Variants in NAA25 observed in about 807,000 individuals in gnomAD.
NAA25 encodes the protein N-alpha-acetyltransferase 25, NatB auxiliary subunit.
Under a neutral mutation model 132.5 loss-of-function variants are expected in NAA25, and 30 were observed. The ratio of observed to expected loss-of-function variants is 0.23; its 90% CI spans 0.17 to 0.31. The LOEUF (loss-of-function observed/expected upper bound fraction) is 0.31. Ranked by LOEUF, NAA25 falls within the 10% of genes least tolerant of loss-of-function variation. The pLI, the probability that NAA25 is intolerant of heterozygous loss-of-function variation, is 1.00. For missense variants in NAA25, 771 were observed against 1,150.4 expected (o/e 0.67, Z 4.77); for synonymous variants, 359 against 401.9 (o/e 0.89, Z 1.28).
intron 4 of NAA25, 76 bp downstream of exon 4, chr12:112,087,607 C>T (rs1325470138): frequency 3.2e-6 from 3 of 934,378 alleles, no homozygotes; most frequent in Non-Finnish European, 5.2e-6. Context: ...ATACCCAGTG[C>T]AGTTAAATCA....
rs564348894 is a variant in NAA25 at position 112,042,513 on chromosome 12, T to A, written c.2375-409A>T. On this transcript the variant is annotated intron_variant, in intron 19 of 23. Transcript: ENST00000261745. ...AGTTTAGTGCTTCTTATTTTTATTT[T>A]TTTTTTTTTTTGAGACAAAGTCTCG... is the stretch of plus-strand genomic sequence containing the variant. 9.0e-4 allele frequency among the ~76,000 whole-genome samples: 137 copies of A among 151,884 alleles called. No homozygotes were observed. The Middle Eastern group carries it at 0.014, about 15-fold the overall frequency.
At chr12:112,029,813 C>G (rs975840323) in intron 23 of NAA25, among the ~76,000 whole-genome samples, 160 bp from the exon 24 acceptor site, 1 of 152,122 alleles carries the variant, frequency 6.6e-6, no homozygotes, top group East Asian at 1.9e-4. Flanking sequence ...GCAAAGAAGG[C>G]AAAAGGTCAT....
intron 16 of NAA25, 106 bp downstream of exon 16, chr12:112,048,186 C>T: frequency 9.2e-7 from 1 of 1,091,586 alleles, no homozygotes; most frequent in Admixed American, 2.6e-5. Context: ...CCCTTTTTTC[C>T]CCCTATTTTA....
intron 10 of NAA25, among the ~76,000 whole-genome samples, chr12:112,069,832 A>G (rs568720858): frequency 2.2e-4 from 33 of 149,218 alleles, no homozygotes; most frequent in African/African-American, 8.2e-4. Context: ...AAAAAAAAAC[A>G]AAACTGTAAG....
At chr12:112,043,907 A>G (rs2078336379) in intron 17 of NAA25, 39 bp from the exon 18 acceptor site, 3 of 1,583,860 alleles carry the variant, frequency 1.9e-6, no homozygotes, top group Non-Finnish European at 2.6e-6. Flanking sequence ...AACTTATTCA[A>G]TATTCAATCC....
intron 5 of NAA25, among the ~76,000 whole-genome samples, chr12:112,080,805 T>C (rs1209870823): frequency 6.6e-6 from 1 of 152,034 alleles, no homozygotes; most frequent in South Asian, 2.1e-4. Context: ...GACCAAAAAA[T>C]AAATTTTTTT....
intron 12 of NAA25, among the ~76,000 whole-genome samples, chr12:112,060,698 T>C (rs1451480023): frequency 6.6e-6 from 1 of 152,202 alleles, no homozygotes; most frequent in Non-Finnish European, 1.5e-5. Flanking sequence ...TGCTCCTGAC[T>C]TCATCTAATT....
Position 112,029,383 on chromosome 12 carries a change from C to T in NAA25, c.*148G>A, listed in dbSNP as rs964385163. 3.9e-6 allele frequency: 5 copies of T among 1,270,038 alleles called. No homozygotes were observed. The highest frequency in any genetic ancestry group is 2.2e-4 in the Middle Eastern group (1 of 4,592). 78.7% of individuals were successfully genotyped at this position (1,270,038 alleles called of 1,614,324 possible). On this transcript the variant is annotated 3_prime_UTR_variant, in exon 24 of 24. Coordinates refer to ENST00000261745, the MANE Select transcript of NAA25 (RefSeq NM_024953.4). The stretch of plus-strand genomic sequence containing the variant: ...AATTTAATCAGTTGTATATATTTAA[C>T]ACCTAAAAAAATTCACGATCAAAGT...
intron 9 of NAA25, among the ~76,000 whole-genome samples, chr12:112,073,542 T>C (rs2078847409): frequency 6.6e-6 from 1 of 152,168 alleles, no homozygotes; most frequent in Non-Finnish European, 1.5e-5. Flanking sequence ...GTTCACGCCA[T>C]TCTCCCTCCT....
chr12:112,086,073 T>TATAC (rs759148501), intron 4 of NAA25, among the ~76,000 whole-genome samples: 642 of 53,862 alleles, frequency 0.012, 4 homozygotes, highest in Middle Eastern at 0.05. Context: ...TATATATATA[T>TATAC]ACACACACAC....
rs532714217 is a variant in NAA25, at chr12:112,068,018, G to C, written c.1149+862C>G. ...CTCCCAAAGTGCTGGGATTACAGGCGTAAGCCACCACACCCAGCCTCTTTT... is the reference window on the plus strand; with the variant it reads ...CTCCCAAAGTGCTGGGATTACAGGCCTAAGCCACCACACCCAGCCTCTTTT... On this transcript the variant is annotated intron_variant, in intron 11 of 23. Coordinates refer to ENST00000261745, the MANE Select transcript of NAA25 (RefSeq NM_024953.4). Among the ~76,000 whole-genome samples the C allele has an allele frequency of 2.0e-5, 3 of 152,234 alleles. No individual in the cohort carries two copies. The South Asian group carries it at 6.2e-4, about 32-fold the overall frequency.
chr12:112,062,597 G>T (rs1258622239), intron 11 of NAA25, among the ~76,000 whole-genome samples: 1 of 151,374 alleles, frequency 6.6e-6, no homozygotes, highest in South Asian at 2.1e-4. Context: ...GTGGTGGTGG[G>T]TGCCTGTAAT....
At position 112,047,824 on chromosome 12, in the gene NAA25, T is replaced by C. The variant is rs768177932; in HGVS notation, c.1881-34A>G. 3 of 1,562,214 alleles carry C rather than the reference T, an allele frequency of 1.9e-6. No individual in the cohort carries two copies. In the African/African-American group the frequency reaches 4.1e-5, roughly 22 times the overall value. On this transcript the variant is annotated intron_variant, in intron 16 of 23. Transcript: ENST00000261745. ...GAGAAAAATCCACATATTATTTTAA[T>C]AGTAAAATAGCCAGAAAATATTATT...
intron 1 of NAA25, among the ~76,000 whole-genome samples, chr12:112,107,392 TG>T (rs369991089): frequency 2.0e-4 from 30 of 150,792 alleles, no homozygotes; most frequent in African/African-American, 4.7e-4. Context: ...TTTTTTTTTT[TG>T]TTGTTGTTGT....
chr12:112,108,358 G>A (rs975502126), intron 1 of NAA25, among the ~76,000 whole-genome samples: 30 of 152,248 alleles, frequency 2.0e-4, no homozygotes. Context: ...CCACCCTCGT[G>A]CCGGAGCCGG....
intron 4 of NAA25, among the ~76,000 whole-genome samples, chr12:112,083,200 C>T (rs1030043426): frequency 4.6e-5 from 7 of 152,194 alleles, no homozygotes; most frequent in Non-Finnish European, 1.0e-4. Context: ...ACAGCAGAGG[C>T]TGGGCACCGT....
chr12:112,046,024 CG>C (rs2078375953), intron 17 of NAA25, among the ~76,000 whole-genome samples: 2 of 152,158 alleles, frequency 1.3e-5, no homozygotes, highest in Admixed American at 1.3e-4. Flanking sequence ...CAGCTATTAT[CG>C]TTAGAAAGGC....
At chr12:112,072,709 T>C (rs1457999387) in intron 9 of NAA25, among the ~76,000 whole-genome samples, 1 of 148,332 alleles carries the variant, frequency 6.7e-6, no homozygotes, top group Non-Finnish European at 1.5e-5. Context: ...GATGCTGAGG[T>C]GGGAGGACTG....
chr12:112,071,035 C>T (rs982594010), intron 10 of NAA25, among the ~76,000 whole-genome samples: 4 of 151,174 alleles, frequency 2.6e-5, no homozygotes, highest in Admixed American at 1.3e-4. Flanking sequence ...GCATGAGCCA[C>T]CACATCCACC....
Sources: gnomAD v4.1 joint callset for allele counts (sites outside exome capture counted in the v4.1 genomes callset) on GRCh38, gnomAD v4.1.1 for gene constraint, MANE v1.5 for transcripts, NCBI Gene and HGNC (gene_info 2026-07-23, HGNC 2026-07-21) for gene names.